Variants in COL24A1 observed in about 807,000 individuals in gnomAD.
The protein encoded by COL24A1 is collagen type XXIV alpha 1 chain.
COL24A1 carries 224 observed loss-of-function variants against 253.9 expected under a neutral mutation model. The observed-to-expected ratio is 0.88, with a 90% CI of 0.79 to 0.99. The LOEUF (loss-of-function observed/expected upper bound fraction) is 0.99. COL24A1 is among the 50% of genes least tolerant of loss of function. The pLI, the probability that COL24A1 is intolerant of heterozygous loss-of-function variation, is 0.00. For missense variants in COL24A1, 2,131 were observed against 2,068.5 expected (o/e 1.03, Z -0.59); for synonymous variants, 685 against 673.7 (o/e 1.02, Z -0.26).
chr1:85,856,756 A>G (rs1678481170), intron 37 of COL24A1, among the ~76,000 whole-genome samples: 1 of 152,160 alleles, frequency 6.6e-6, no homozygotes, highest in African/African-American at 2.4e-5. Flanking sequence ...GCCTCTTTGA[A>G]TATGAGGAGT....
chr1:85,860,399 C>A (rs951457083), intron 37 of COL24A1, among the ~76,000 whole-genome samples: 4 of 152,124 alleles, frequency 2.6e-5, no homozygotes, highest in Non-Finnish European at 5.9e-5. Flanking sequence ...AACCACTAAT[C>A]CACTTTCTGT....
At chr1:85,952,893 A>AT (rs990019374) in intron 24 of COL24A1, among the ~76,000 whole-genome samples, 2 of 152,108 alleles carry the variant, frequency 1.3e-5, no homozygotes, top group Admixed American at 6.5e-5. Context: ...AGTCCTTAAT[A>AT]TTTTTTTAGA....
At chr1:85,838,339 AGG>A (rs1454010130) in intron 43 of COL24A1, among the ~76,000 whole-genome samples, 1 of 152,182 alleles carries the variant, frequency 6.6e-6, no homozygotes, top group Non-Finnish European at 1.5e-5. Context: ...TATTTTAGAT[AGG>A]GCAGTTAGAG....
chr1:86,023,539 A>T (rs1304707151), intron 14 of COL24A1, among the ~76,000 whole-genome samples: 1 of 152,074 alleles, frequency 6.6e-6, no homozygotes, highest in Non-Finnish European at 1.5e-5. Flanking sequence ...AAAAAGCTCT[A>T]CTCTTCTGGG....
intron 53 of COL24A1, among the ~76,000 whole-genome samples, chr1:85,773,057 G>A (rs1272620240): frequency 2.0e-5 from 3 of 152,150 alleles, no homozygotes; most frequent in African/African-American, 4.8e-5. Flanking sequence ...TAAGGTGTAA[G>A]GAAGGGGTCC....
intron 37 of COL24A1, among the ~76,000 whole-genome samples, chr1:85,851,179 T>C (rs1480235368): frequency 7.9e-5 from 12 of 152,058 alleles, no homozygotes; most frequent in African/African-American, 1.2e-4. Context: ...CCAAGTAATA[T>C]GTATTTTGTA....
intron 24 of COL24A1, among the ~76,000 whole-genome samples, chr1:85,934,189 C>T (rs1044475489): frequency 3.9e-5 from 6 of 152,174 alleles, no homozygotes; most frequent in African/African-American, 1.4e-4. Context: ...GAAGAAGCTG[C>T]AGTGCCTTTA....
At chr1:85,977,117 C>CA (rs1157693339) in intron 20 of COL24A1, among the ~76,000 whole-genome samples, 5 of 152,274 alleles carry the variant, frequency 3.3e-5, no homozygotes, top group African/African-American at 1.2e-4. Flanking sequence ...CCCAGAAGAG[C>CA]AATAACAATC....
rs869279435 is a variant in COL24A1, at chr1:86,097,380, TTC to T, written c.1600-5062_1600-5061del. Among the ~76,000 whole-genome samples, 6 of 73,928 alleles carry T rather than the reference TTC, an allele frequency of 8.1e-5. No homozygotes were observed. The South Asian group carries it at 1.8e-3, about 22-fold the overall frequency. The allele number at this position is 73,928 out of a possible 152,430, so 48.5% of individuals were successfully genotyped here. ...TTGTTGTTCTTCTTCTCCTTCTTTC[TTC>T]TCTTTTCTTTCTTCGTCTTTCTTCT... On this transcript the variant is annotated intron_variant, in intron 5 of 59. Transcript: ENST00000370571.
chr1:86,043,938 C>T (rs971908519), intron 12 of COL24A1, among the ~76,000 whole-genome samples: 2 of 152,180 alleles, frequency 1.3e-5, no homozygotes, highest in Non-Finnish European at 2.9e-5. Flanking sequence ...TTCCAGGTTT[C>T]TATCACATTC....
chr1:86,074,314 T>G (rs1702090040), intron 7 of COL24A1, among the ~76,000 whole-genome samples: 1 of 152,046 alleles, frequency 6.6e-6, no homozygotes, highest in East Asian at 1.9e-4. Flanking sequence ...GCAATCCTAG[T>G]CTCTGGTAAA....
chr1:86,139,946 A>G (rs997830938), intron 2 of COL24A1, among the ~76,000 whole-genome samples: 1 of 152,206 alleles, frequency 6.6e-6, no homozygotes, highest in Admixed American at 6.5e-5. Context: ...TCAAGACTCA[A>G]ATACAGCTTC....
intron 7 of COL24A1, among the ~76,000 whole-genome samples, chr1:86,083,211 T>C (rs1440072985): frequency 6.6e-6 from 1 of 151,662 alleles, no homozygotes; most frequent in Non-Finnish European, 1.5e-5. Flanking sequence ...GGCAGGAAAA[T>C]GGCGTGAACT....
intron 20 of COL24A1, among the ~76,000 whole-genome samples, chr1:85,976,785 T>C (rs1001103333): frequency 6.6e-6 from 1 of 152,022 alleles, no homozygotes; most frequent in Non-Finnish European, 1.5e-5. Flanking sequence ...TCCAAGGAAG[T>C]ACTCAAAAAT....
At chr1:85,893,940 G>A (rs1215793976) in intron 31 of COL24A1, among the ~76,000 whole-genome samples, 2 of 152,088 alleles carry the variant, frequency 1.3e-5, no homozygotes, top group African/African-American at 4.8e-5. Context: ...ACCATGCCCA[G>A]GCCTAACCAA....
At chr1:85,852,778 T>C (rs181099745) in intron 37 of COL24A1, among the ~76,000 whole-genome samples, 33 of 152,276 alleles carry the variant, frequency 2.2e-4, no homozygotes, top group African/African-American at 7.5e-4. Context: ...AACTGCTCAT[T>C]GCTGGTGAAA....
rs1309606750 is a variant in COL24A1 at position 86,124,870 on chromosome 1, C to T, written c.1466G>A (p.Gly489Glu). Residue 489 changes from glycine (G) to glutamate (E), a missense_variant, in exon 3 of 60, where the codon GGG becomes GAG. Transcript: ENST00000370571. Reference sequence around the variant, plus strand: ...GGGAGGTCCAGTGTCTCCTTTTGGCCCTCTCAGATACTCCATTTCAAGCAT... The same window carrying T: ...GGGAGGTCCAGTGTCTCCTTTTGGCTCTCTCAGATACTCCATTTCAAGCAT... ...NTMLEMEYLR[G>E]PKGDTGPPGP... is the part of the protein sequence containing the mutation. 7 of 1,563,120 alleles carry T rather than the reference C, an allele frequency of 4.5e-6. No individual in the cohort carries two copies. The highest frequency in any genetic ancestry group is 6.0e-6 in the Non-Finnish European group (7 of 1,162,280).
intron 37 of COL24A1, among the ~76,000 whole-genome samples, chr1:85,863,518 A>G (rs1046480528): frequency 1.2e-4 from 18 of 152,200 alleles, no homozygotes; most frequent in Non-Finnish European, 2.4e-4. Context: ...AAAACACAAA[A>G]AGCAATAGCA....
At chr1:85,933,752 G>A (rs1343783950) in intron 24 of COL24A1, among the ~76,000 whole-genome samples, 1 of 152,086 alleles carries the variant, frequency 6.6e-6, no homozygotes, top group Non-Finnish European at 1.5e-5. Flanking sequence ...ATGTGCATGT[G>A]GAAATGGTCA....
Sources: allele counts gnomAD v4.1 joint callset (sites outside exome capture counted in the v4.1 genomes callset), GRCh38; gene constraint gnomAD v4.1.1; transcripts MANE v1.5; gene names NCBI Gene and HGNC (gene_info 2026-07-23, HGNC 2026-07-21).